The following CDH18 variants were observed in gnomAD, a reference collection of about 807,000 sequenced individuals.
The protein encoded by CDH18 is cadherin 18.
CDH18 carries 31 observed loss-of-function variants against 67.9 expected under a neutral mutation model. The observed-to-expected ratio is 0.46, with a 90% CI of 0.34 to 0.62. The LOEUF (loss-of-function observed/expected upper bound fraction) is 0.62, where lower values mean the gene tolerates loss of function less well. Among genes scored for constraint, CDH18 ranks in the 20% least tolerant of loss-of-function variants. The probability of loss-of-function intolerance (pLI) is 0.01; values close to 1 mark genes in which losing one functional copy is unlikely to be tolerated. For synonymous variants in CDH18, 362 were observed against 347.2 expected, an observed-to-expected ratio of 1.04 and a Z score of -0.48; for missense variants, 890 against 975.5, an observed-to-expected ratio of 0.91 and a Z score of 1.17.
At chr5:20,463,251 T>C (rs1442413208) in intron 1 of CDH18, among the ~76,000 whole-genome samples, 1 of 151,848 alleles carries the variant, frequency 6.6e-6, no homozygotes, top group African/African-American at 2.4e-5. Context: ...GATGCAATTC[T>C]CTATGTGGAG....
At chr5:20,160,798 A>C (rs2126609883) in intron 2 of CDH18, among the ~76,000 whole-genome samples, 1 of 152,316 alleles carries the variant, frequency 6.6e-6, no homozygotes, top group East Asian at 1.9e-4. Context: ...CTGATGAAAA[A>C]ATTGTAGTCG....
chr5:19,729,206 GA>G (rs1030720695), intron 4 of CDH18, among the ~76,000 whole-genome samples: 254 of 17,384 alleles, frequency 0.015, no homozygotes, highest in African/African-American at 0.022. Flanking sequence ...TCCATAAATG[GA>G]AAAAATAATA....
chr5:19,727,640 G>A (rs1019043373), intron 4 of CDH18, among the ~76,000 whole-genome samples: 1 of 152,170 alleles, frequency 6.6e-6, no homozygotes, highest in East Asian at 1.9e-4. Context: ...GTGTGCTAGA[G>A]TTTCAGTGGG....
At chr5:20,098,330 C>A (rs1043925499) in intron 2 of CDH18, among the ~76,000 whole-genome samples, 2 of 151,838 alleles carry the variant, frequency 1.3e-5, no homozygotes, top group African/African-American at 4.8e-5. Context: ...TGTATATATT[C>A]TAAGGTATAC....
intron 2 of CDH18, among the ~76,000 whole-genome samples, chr5:19,850,732 G>T (rs999275329): frequency 2.0e-5 from 3 of 151,822 alleles, no homozygotes; most frequent in Non-Finnish European, 4.4e-5. Flanking sequence ...AACCCTAATT[G>T]TTTAAGGTGT....
intron 2 of CDH18, among the ~76,000 whole-genome samples, chr5:20,135,906 G>A (rs1749673724): frequency 6.6e-6 from 1 of 152,170 alleles, no homozygotes; most frequent in African/African-American, 2.4e-5. Flanking sequence ...GCAGTTTTGA[G>A]TGAGTTTCTT....
At chr5:19,870,547 A>T (rs1351873565) in intron 2 of CDH18, among the ~76,000 whole-genome samples, 1 of 152,070 alleles carries the variant, frequency 6.6e-6, no homozygotes, top group Non-Finnish European at 1.5e-5. Flanking sequence ...AGATGCTGAG[A>T]CTTCCCCAAA....
At chr5:19,476,921 TATC>T (rs1738561385) in intron 12 of CDH18, among the ~76,000 whole-genome samples, 1 of 151,806 alleles carries the variant, frequency 6.6e-6, no homozygotes, top group Non-Finnish European at 1.5e-5. Context: ...GCTTTTTAAT[TATC>T]ATGGCATATA....
intron 5 of CDH18, among the ~76,000 whole-genome samples, chr5:19,637,071 GTGCTTT>G (rs1753252203): frequency 6.6e-6 from 1 of 152,048 alleles, no homozygotes; most frequent in Admixed American, 6.6e-5. Context: ...AATTAAACTA[GTGCTTT>G]TGGAAATCTA....
intron 2 of CDH18, among the ~76,000 whole-genome samples, chr5:19,964,647 C>CAAAAAAAAAAAAAA (rs10719096): frequency 1.3e-5 from 1 of 77,242 alleles, no homozygotes. Context: ...GGCCCTGTAT[C>CAAAAAAAAAAAAAA]AAAAAAAAAA....
At chr5:19,804,120 CAAAA>C (rs772336170) in intron 3 of CDH18, 6 of 70,464 alleles carry the variant, frequency 8.5e-5, no homozygotes, top group Non-Finnish European at 1.1e-4. Context: ...GACTTTGTCT[CAAAA>C]AAAAAAAAAA....
chr5:20,568,177 C>A (rs546438821), intron 1 of CDH18, among the ~76,000 whole-genome samples: 6 of 152,228 alleles, frequency 3.9e-5, no homozygotes, highest in African/African-American at 1.4e-4. Context: ...CTCTAAGGTT[C>A]TAGAGTGAAT....
intron 1 of CDH18, among the ~76,000 whole-genome samples, chr5:20,456,610 A>G (rs555617090): frequency 1.1e-3 from 169 of 152,340 alleles, no homozygotes; most frequent in African/African-American, 4.0e-3. Context: ...GGAAAACAGT[A>G]TAAATGGAAT....
intron 5 of CDH18, among the ~76,000 whole-genome samples, chr5:19,695,497 A>T (rs1762426177): frequency 6.6e-6 from 1 of 152,192 alleles, no homozygotes; most frequent in African/African-American, 2.4e-5. Context: ...AGAAGGCATT[A>T]AGAGCCTAAA....
chr5:19,972,966 GAAGT>G (rs1798168281), intron 2 of CDH18, among the ~76,000 whole-genome samples: 1 of 151,866 alleles, frequency 6.6e-6, no homozygotes, highest in South Asian at 2.1e-4. Flanking sequence ...ATTATTATCT[GAAGT>G]AATAGTCAAT....
At chr5:19,827,992 A>T (rs928030534) in intron 3 of CDH18, among the ~76,000 whole-genome samples, 2 of 152,160 alleles carry the variant, frequency 1.3e-5, no homozygotes, top group East Asian at 3.9e-4. Flanking sequence ...TAATAAAGTA[A>T]AAAAGAGAAA....
chr5:19,534,480 C>T (rs1337623905), intron 9 of CDH18, among the ~76,000 whole-genome samples: 6 of 151,854 alleles, frequency 4.0e-5, no homozygotes, highest in East Asian at 3.9e-4. Context: ...AAAAAGGTGA[C>T]GTTAAAAAAT....
At chr5:20,153,423 C>A (rs1751277612) in intron 2 of CDH18, among the ~76,000 whole-genome samples, 1 of 152,114 alleles carries the variant, frequency 6.6e-6, no homozygotes, top group South Asian at 2.1e-4. Flanking sequence ...GTTTCACAAT[C>A]ACTTAATTTA....
chr5:19,856,303 T>A (rs1209636373), intron 2 of CDH18, among the ~76,000 whole-genome samples: 2 of 152,186 alleles, frequency 1.3e-5, no homozygotes, highest in African/African-American at 4.8e-5. Context: ...CTAATGTTTA[T>A]AATGTACTGC....
Sources: allele counts gnomAD v4.1 joint callset (sites outside exome capture counted in the v4.1 genomes callset), GRCh38; gene constraint gnomAD v4.1.1; transcripts MANE v1.5; gene names NCBI Gene and HGNC (gene_info 2026-07-23, HGNC 2026-07-21).